CARS1: variants seen among roughly 807,000 people sequenced by gnomAD.
CARS1 encodes cysteine--tRNA ligase, cytoplasmic.
CARS1 carries 48 observed loss-of-function variants against 106.2 expected under a neutral mutation model. The ratio of observed to expected loss-of-function variants is 0.45; its 90% CI spans 0.36 to 0.57. The LOEUF is 0.57. Ranked by LOEUF, CARS1 falls within the 20% of genes least tolerant of loss-of-function variation. The pLI, the probability that CARS1 is intolerant of heterozygous loss-of-function variation, is 0.00. For synonymous variants in CARS1, 409 were observed against 403.4 expected, an observed-to-expected ratio of 1.01 and a Z score of -0.17; for missense variants, 968 against 1,057.2, an observed-to-expected ratio of 0.92 and a Z score of 1.17.
chr11:3,003,995 G>A lies in CARS1; in HGVS notation c.2217+1371C>T, dbSNP rs902006447. Among the ~76,000 whole-genome samples the A allele has an allele frequency of 6.6e-6, 1 of 152,178 alleles. No homozygotes were observed. The highest frequency in any genetic ancestry group is 2.4e-5 in the African/African-American group (1 of 41,430). On this transcript the variant is annotated intron_variant, in intron 20 of 22. Coordinates refer to ENST00000380525, the MANE Select transcript of CARS1 (RefSeq NM_001014437.3). The surrounding 1 kb of genome is among the most constrained non-coding windows in gnomAD (Gnocchi z 4.8). ...GTGAGGCTCTGGCCGGGCCACCCTG[G>A]CGCTCCTCTTGTCTGTTTCCTGCTT...
intron 16 of CARS1, 49 bp from the exon 17 acceptor site, chr11:3,015,898 G>T: frequency 1.3e-6 from 2 of 1,497,734 alleles, no homozygotes; most frequent in South Asian, 1.1e-5. Flanking sequence ...GATGAAGGCG[G>T]CATGTGGCGA....
In CARS1 at chr11:3,050,450, G is replaced by C. The variant is rs1855549207; in HGVS notation, c.26-2449C>G. ...CATAGCCAACCCACGGGAGGATCCG[G>C]GGCCTCTAACTCAAAAGAAGCTTTG... On this transcript the variant is annotated intron_variant, in intron 1 of 22. Transcript: ENST00000380525. The surrounding 1 kb of genome is among the most constrained non-coding windows in gnomAD (Gnocchi z 6.3). Among the ~76,000 whole-genome samples, 1 of 152,076 alleles carries C rather than the reference G, an allele frequency of 6.6e-6. No homozygotes were observed. Among genetic ancestry groups the C allele is most frequent in the Non-Finnish European group, 1.5e-5 (1 of 68,020 alleles).
rs991218287 is a variant in CARS1, at chr11:3,045,031, A to T, written c.274+2722T>A. Among the ~76,000 whole-genome samples, 1 of 152,114 alleles carries T rather than the reference A, an allele frequency of 6.6e-6. No homozygotes were observed. Among genetic ancestry groups the T allele is most frequent in the African/African-American group, 2.4e-5 (1 of 41,416 alleles). On this transcript the variant is annotated intron_variant, in intron 2 of 22. Transcript: ENST00000380525. This position sits in a 1 kb window ranked among gnomAD's most constrained non-coding sequence, Gnocchi z 5.6. ...TATGGCCTCGGCGTCTGACAGACCC[A>T]CACCCTCCTCAGTGAAGGGTATAGC...
intron 2 of CARS1, among the ~76,000 whole-genome samples, chr11:3,047,201 C>T (rs949988899): frequency 1.6e-4 from 23 of 148,184 alleles, no homozygotes; most frequent in Non-Finnish European, 3.1e-4. Flanking sequence ...GGCATGAACC[C>T]GGGAGGTGGA....
Position 3,028,886 on chromosome 11 carries a change from C to T in CARS1, c.1031+110G>A. 1.3e-6 allele frequency: 1 copy of T among 782,660 alleles called. No individual in the cohort carries two copies. The highest frequency in any genetic ancestry group is 2.4e-5 in the East Asian group (1 of 41,052). The allele number at this position is 782,660 out of a possible 1,614,324, so 48.5% of individuals were successfully genotyped here. On this transcript the variant is annotated intron_variant, in intron 9 of 22. Coordinates refer to ENST00000380525, the MANE Select transcript of CARS1 (RefSeq NM_001014437.3). The surrounding 1 kb of genome is among the most constrained non-coding windows in gnomAD (Gnocchi z 4.4). ...CTGCTGGGACTTCTAGCTACGCAGC[C>T]CCAGAACACCTGCTCCTCTGCTTCC...
In CARS1 at chr11:3,020,710, G is replaced by C. The variant is rs1851494520; in HGVS notation, c.1154-378C>G. ...AGGTGACATAGTGGTGCAGCCACTGGGGCATGGCTCAGGGATCCTGCCTGG... is the reference window on the plus strand; with the variant it reads ...AGGTGACATAGTGGTGCAGCCACTGCGGCATGGCTCAGGGATCCTGCCTGG... On this transcript the variant is annotated intron_variant, in intron 10 of 22. Transcript: ENST00000380525. The surrounding 1 kb of genome is among the most constrained non-coding windows in gnomAD (Gnocchi z 4.6). 6.6e-6 allele frequency among the ~76,000 whole-genome samples: 1 copy of C among 152,168 alleles called. No individual in the cohort carries two copies. The highest frequency in any genetic ancestry group is 2.1e-4 in the South Asian group (1 of 4,830).
In CARS1 at chr11:3,019,310, T is replaced by C. The variant is rs374714999; in HGVS notation, c.1267-43A>G. 6.3e-5 allele frequency: 87 copies of C among 1,374,126 alleles called. No homozygotes were observed. Among genetic ancestry groups the C allele is most frequent in the Middle Eastern group, 1.9e-4 (1 of 5,146 alleles). The allele number at this position is 1,374,126 out of a possible 1,614,324, so 85.1% of individuals were successfully genotyped here. On this transcript the variant is annotated intron_variant, in intron 11 of 22. Transcript: ENST00000380525. The surrounding 1 kb of genome is among the most constrained non-coding windows in gnomAD (Gnocchi z 6.2). ...CACAGTGACTGACCAGCCTACCCGC[T>C]TGTCCAGGCCTTTATCACTTATCAC...
chr11:3,017,064 C>A lies in CARS1; in HGVS notation c.1917+42G>T. The A allele has an allele frequency of 2.6e-6, 4 of 1,552,310 alleles. No homozygotes were observed. The highest frequency in any genetic ancestry group is 2.6e-6 in the Non-Finnish European group (3 of 1,133,786). On this transcript the variant is annotated intron_variant, in intron 16 of 22. Coordinates refer to ENST00000380525, the MANE Select transcript of CARS1 (RefSeq NM_001014437.3). The surrounding 1 kb of genome is among the most constrained non-coding windows in gnomAD (Gnocchi z 4.9). ...CAGTCCTGGGGCCTGGCTCCTGTGT[C>A]CACACAGGCTGAGGGATACGCCTGC...
Position 3,034,192 on chromosome 11 carries a change from GTTC to G in CARS1, c.801+3855_801+3857del, listed in dbSNP as rs928634463. The stretch of plus-strand genomic sequence containing the variant: ...CTGTTTTCTGTTTTTTTGTTTGTTT[GTTC>G]TTTTTTTTGTTTTCTGTTTTTTGTT... On this transcript the variant is annotated intron_variant, in intron 7 of 22. Coordinates refer to ENST00000380525, the MANE Select transcript of CARS1 (RefSeq NM_001014437.3). This position sits in a 1 kb window ranked among gnomAD's most constrained non-coding sequence, Gnocchi z 6.3. Among the ~76,000 whole-genome samples, 2 of 141,526 alleles carry G rather than the reference GTTC, an allele frequency of 1.4e-5. No individual in the cohort carries two copies. Among genetic ancestry groups the G allele is most frequent in the African/African-American group, 4.9e-5 (2 of 40,588 alleles). The allele number at this position is 141,526 out of a possible 152,430, so 92.8% of individuals were successfully genotyped here. A position where few individuals can be genotyped will look rare whatever the true frequency, so the allele number is the denominator to read the frequency against.
chr11:3,047,207 G>A (rs924266262), intron 2 of CARS1, among the ~76,000 whole-genome samples: 6 of 151,412 alleles, frequency 4.0e-5, no homozygotes, highest in Non-Finnish European at 7.4e-5. Context: ...AACCCGGGAG[G>A]TGGAGCTTGC....
Position 3,028,980 on chromosome 11 carries a change from A to C in CARS1, c.1031+16T>G, listed in dbSNP as rs434114. On this transcript the variant is annotated intron_variant, in intron 9 of 22. Transcript: ENST00000380525. The surrounding 1 kb of genome is among the most constrained non-coding windows in gnomAD (Gnocchi z 4.4). ...TCTGCAGCCCTTCCCTCCCTAGGGA[A>C]GGCCCTTGTGCTTACCCGTAACCGT... The C allele has an allele frequency of 6.3e-7, 1 of 1,582,944 alleles. No homozygotes were observed. Among genetic ancestry groups the C allele is most frequent in the South Asian group, 1.1e-5 (1 of 90,436 alleles).
chr11:3,017,290 T>C lies in CARS1; in HGVS notation c.1733A>G (p.Tyr578Cys). The C allele has an allele frequency of 6.2e-7, 1 of 1,611,734 alleles. No homozygotes were observed. Among genetic ancestry groups the C allele is most frequent in the Non-Finnish European group, 8.5e-7 (1 of 1,178,036 alleles). Residue 578 changes from tyrosine to cysteine, a missense_variant, in exon 16 of 23, where the codon TAT (tyrosine) becomes TGT (cysteine). Physicochemically the swap from Tyr to Cys is radical, Grantham distance 194. Transcript: ENST00000380525. This position sits in a 1 kb window ranked among gnomAD's most constrained non-coding sequence, Gnocchi z 4.9. ...EEEAELNKNFYDKKTAIHKAL... is the reference protein window; with the variant it reads ...EEEAELNKNFCDKKTAIHKAL... ...TTTGTGAATTGCTGTCTTCTTGTCA[T>C]AAAAGCTGAGCAACAAAGAGGAAGG...
At position 3,026,811 on chromosome 11, in the gene CARS1, A is replaced by G. The variant is rs547202537; in HGVS notation, c.1032-14T>C. 47 of 1,607,324 alleles carry G rather than the reference A, an allele frequency of 2.9e-5. 1 individual carries two copies. Among genetic ancestry groups the G allele is most frequent in the Admixed American group, 2.4e-4 (14 of 59,332 alleles). On this transcript the variant is annotated splice_polypyrimidine_tract_variant and intron_variant, in intron 9 of 22. Transcript: ENST00000380525. ...TTGGAGACATAGCTGGAAAACAGAA[A>G]AGGAATTGGGTGGGTGCATCTAACA...
At chr11:3,005,726 G>A (rs914614576) in intron 19 of CARS1, among the ~76,000 whole-genome samples, 12 of 150,500 alleles carry the variant, frequency 8.0e-5, no homozygotes, top group African/African-American at 1.2e-4. Flanking sequence ...TTTGCCTATC[G>A]GGTTCAAGCA....
At position 3,017,132 on chromosome 11, in the gene CARS1, C is replaced by A. The variant is rs766200492; in HGVS notation, c.1891G>T (p.Ala631Ser). 1 of 1,613,984 alleles carries A rather than the reference C, an allele frequency of 6.2e-7. No individual in the cohort carries two copies. The highest frequency in any genetic ancestry group is 1.1e-5 in the South Asian group (1 of 91,074). The change falls in exon 16 of 23, where the codon GCC becomes TCC. Residue 631 changes from alanine (A) to serine (S), a missense_variant. Coordinates refer to ENST00000380525, the MANE Select transcript of CARS1 (RefSeq NM_001014437.3). This position sits in a 1 kb window ranked among gnomAD's most constrained non-coding sequence, Gnocchi z 4.9. ...TTCAGCATATGGGTGAGGTACAGGG[C>A]GATGTTCTCCAGCAGAGCCTGGTTG... is the stretch of plus-strand genomic sequence containing the variant. ...RPNQALLENIALYLTHMLKIF... is the reference protein window; with the variant it reads ...RPNQALLENISLYLTHMLKIF...
At position 3,030,077 on chromosome 11, in the gene CARS1, GA is replaced by G. The variant is rs1335975826; in HGVS notation, c.802-635del. On this transcript the variant is annotated intron_variant, in intron 7 of 22. Coordinates refer to ENST00000380525, the MANE Select transcript of CARS1 (RefSeq NM_001014437.3). The surrounding 1 kb of genome is among the most constrained non-coding windows in gnomAD (Gnocchi z 5.7). ...CCAACTGCACTCATGTCAGAAAAGAGAAATGTCTACCCTCCGCCATCTTGGA... is the reference window on the plus strand; with the variant it reads ...CCAACTGCACTCATGTCAGAAAAGAGAATGTCTACCCTCCGCCATCTTGGA... 6.6e-6 allele frequency: 1 copy of G among 152,338 alleles called. No homozygotes were observed. The highest frequency in any genetic ancestry group is 6.6e-5 in the Admixed American group (1 of 15,262). 9.4% of individuals were successfully genotyped at this position (152,338 alleles called of 1,614,324 possible). A position where few individuals can be genotyped will look rare whatever the true frequency, so the allele number is the denominator to read the frequency against.
Position 3,052,672 on chromosome 11 carries a change from T to C in CARS1, c.25+4671A>G, listed in dbSNP as rs769984461. Among the ~76,000 whole-genome samples the C allele has an allele frequency of 2.0e-5, 3 of 152,188 alleles. No individual in the cohort carries two copies. The highest frequency in any genetic ancestry group is 2.9e-5 in the Non-Finnish European group (2 of 68,026). ...TGGTGCCCAGGGAAGCACAGGAGAATGACAGGCTTCCATGAGATGGACGCA... is the reference window on the plus strand; with the variant it reads ...TGGTGCCCAGGGAAGCACAGGAGAACGACAGGCTTCCATGAGATGGACGCA... On this transcript the variant is annotated intron_variant, in intron 1 of 22. Coordinates refer to ENST00000380525, the MANE Select transcript of CARS1 (RefSeq NM_001014437.3). This position sits in a 1 kb window ranked among gnomAD's most constrained non-coding sequence, Gnocchi z 4.6.
intron 17 of CARS1, 27 bp downstream of exon 17, chr11:3,015,754 G>C: frequency 6.2e-7 from 1 of 1,607,602 alleles, no homozygotes; most frequent in Non-Finnish European, 8.5e-7. Flanking sequence ...AGCAGGTGCA[G>C]AAGGCAGGAC....
At chr11:3,054,986 C>G (rs1439021859) in intron 1 of CARS1, 1 of 702,590 alleles carries the variant, frequency 1.4e-6, no homozygotes, top group Non-Finnish European at 2.6e-6. Context: ...CTGAAATAAT[C>G]AGGCTCTTGG....
Sources: allele counts gnomAD v4.1 joint callset (sites outside exome capture counted in the v4.1 genomes callset), GRCh38; gene constraint gnomAD v4.1.1; non-coding constraint Gnocchi (gnomAD v3.1); transcripts MANE v1.5; gene names NCBI Gene and HGNC (gene_info 2026-07-23, HGNC 2026-07-21).